The following VPS13A variants were observed in gnomAD, a reference collection of about 807,000 sequenced individuals.
VPS13A encodes intermembrane lipid transfer protein VPS13A.
A neutral mutation model predicts 390.9 loss-of-function variants in VPS13A; 264 were observed. The ratio of observed to expected loss-of-function variants is 0.68; its 90% confidence interval spans 0.61 to 0.75. The LOEUF (loss-of-function observed/expected upper bound fraction) is 0.75, where lower values mean the gene tolerates loss of function less well. Among genes scored for constraint, VPS13A ranks in the 30% least tolerant of loss-of-function variants. The pLI, the probability that VPS13A is intolerant of heterozygous loss-of-function variation, is 0.00. For missense variants in VPS13A, 3,409 were observed against 3,733.9 expected (o/e 0.91, Z 2.27); for synonymous variants, 1,231 against 1,227.1 (o/e 1.00, Z -0.07).
intron 29 of VPS13A, 52 bp downstream of exon 29, chr9:77,282,326 G>C: frequency 6.6e-7 from 1 of 1,516,286 alleles, no homozygotes; most frequent in Non-Finnish European, 9.0e-7. Context: ...AACCATGTAG[G>C]TCAATAAATC....
intron 19 of VPS13A, among the ~76,000 whole-genome samples, chr9:77,241,575 GTACT>G (rs1186035679): frequency 6.6e-6 from 1 of 151,124 alleles, no homozygotes; most frequent in African/African-American, 2.4e-5. Context: ...GTTTTTGTTG[GTACT>G]TACTTATGGT....
At chr9:77,404,586 A>G (rs1413462117) in intron 69 of VPS13A, among the ~76,000 whole-genome samples, 1 of 152,260 alleles carries the variant, frequency 6.6e-6, no homozygotes, top group Non-Finnish European at 1.5e-5. Context: ...AAGCAAAATC[A>G]GTTGCAAAGT....
At chr9:77,202,935 A>G (rs910890295) in intron 3 of VPS13A, among the ~76,000 whole-genome samples, 5 of 152,136 alleles carry the variant, frequency 3.3e-5, no homozygotes, top group Admixed American at 6.6e-5. Context: ...CTTGAGAAGA[A>G]GTGGGTTTAA....
intron 17 of VPS13A, among the ~76,000 whole-genome samples, chr9:77,229,564 CATG>C (rs1219068954): frequency 6.6e-6 from 1 of 152,140 alleles, no homozygotes; most frequent in African/African-American, 2.4e-5. Flanking sequence ...TTTCACTTAG[CATG>C]ATGTTTTCAA....
At position 77,381,985 on chromosome 9, in the gene VPS13A, G is replaced by A; in HGVS notation, c.9087G>A (p.Glu3029=). ...STFQGIKRAT[E]TSEVESLRPP... ...ATTTTTTTTCCTCTAGAGCTACAGA[G>A]ACTTCTGAAGTGGAGAGTCTGCGAC... is the stretch of plus-strand genomic sequence containing the variant. The change falls in exon 68 of 72, where the codon GAG becomes GAA. Residue 3029 remains glutamate (E), a synonymous_variant. Transcript: ENST00000360280. 6.2e-7 allele frequency: 1 copy of A among 1,602,916 alleles called. No homozygotes were observed. Among genetic ancestry groups the A allele is most frequent in the African/African-American group, 1.3e-5 (1 of 74,834 alleles).
At chr9:77,237,465 A>G (rs1824217516) in intron 17 of VPS13A, among the ~76,000 whole-genome samples, 1 of 151,408 alleles carries the variant, frequency 6.6e-6, no homozygotes, top group African/African-American at 2.4e-5. Flanking sequence ...CCCTGGTTCA[A>G]GCGATTTTCC....
Position 77,416,142 on chromosome 9 carries a change from A to G in VPS13A, c.*136A>G, listed in dbSNP as rs1249706185. On this transcript the variant is annotated 3_prime_UTR_variant, in exon 72 of 72. Transcript: ENST00000360280. ...TCTGGATGCTAAAAAACAAAAACAA[A>G]CAAAAAAACAAAAACAAAAAAACAA... 5.8e-6 allele frequency: 6 copies of G among 1,039,896 alleles called. No individual in the cohort carries two copies. The East Asian group carries it at 1.2e-4, about 21-fold the overall frequency. The allele number at this position is 1,039,896 out of a possible 1,614,324, so 64.4% of individuals were successfully genotyped here. A position where few individuals can be genotyped will look rare whatever the true frequency, so the allele number is the denominator to read the frequency against.
At position 77,382,539 on chromosome 9, in the gene VPS13A, C is replaced by A. The variant is rs1833499195; in HGVS notation, c.9189+452C>A. ...GTATCCTCGTCATTGGTGGTACTTACTTAACCAATTAAACCATTTCTGTTG... is the reference window on the plus strand; with the variant it reads ...GTATCCTCGTCATTGGTGGTACTTAATTAACCAATTAAACCATTTCTGTTG... On this transcript the variant is annotated intron_variant, in intron 68 of 71. Coordinates refer to ENST00000360280, the MANE Select transcript of VPS13A (RefSeq NM_033305.3). 2.5e-6 allele frequency: 3 copies of A among 1,201,950 alleles called. No individual in the cohort carries two copies. The South Asian group carries it at 1.0e-4, about 41-fold the overall frequency. 74.5% of individuals were successfully genotyped at this position (1,201,950 alleles called of 1,614,324 possible).
At chr9:77,407,992 T>C (rs568590757) in intron 71 of VPS13A, among the ~76,000 whole-genome samples, 2 of 152,310 alleles carry the variant, frequency 1.3e-5, no homozygotes, top group Admixed American at 6.5e-5. Context: ...TACCGTGATT[T>C]TTTAAAAAGT....
chr9:77,318,158 T>C, intron 40 of VPS13A, 77 bp from the exon 41 acceptor site: 1 of 763,142 alleles, frequency 1.3e-6, no homozygotes, highest in South Asian at 2.2e-5. Flanking sequence ...TAATTTCTCA[T>C]AATATATATT....
intron 56 of VPS13A, 48 bp from the exon 57 acceptor site, chr9:77,358,309 G>A: frequency 6.9e-7 from 1 of 1,442,132 alleles, no homozygotes; most frequent in Non-Finnish European, 9.8e-7. Flanking sequence ...TTCTGGTCAG[G>A]TTGTATAATT....
At chr9:77,399,181 T>TAATAA (rs1834254094) in intron 68 of VPS13A, among the ~76,000 whole-genome samples, 1 of 34,964 alleles carries the variant, frequency 2.9e-5, no homozygotes, top group Non-Finnish European at 6.1e-5. Flanking sequence ...AAAAAAAAAA[T>TAATAA]AAAAAAAAAA....
chr9:77,412,472 A>T (rs1013574440), intron 71 of VPS13A, among the ~76,000 whole-genome samples: 8 of 152,264 alleles, frequency 5.3e-5, no homozygotes, highest in African/African-American at 1.9e-4. Context: ...TCCAGCATAT[A>T]AACAGAACCA....
intron 17 of VPS13A, among the ~76,000 whole-genome samples, chr9:77,232,603 A>C (rs1488893189): frequency 1.3e-5 from 2 of 152,190 alleles, no homozygotes; most frequent in Non-Finnish European, 2.9e-5. Context: ...TAATTGACTC[A>C]TAGTTCGGTA....
chr9:77,386,754 C>G (rs1833703867), intron 68 of VPS13A, among the ~76,000 whole-genome samples: 3 of 148,694 alleles, frequency 2.0e-5, no homozygotes, highest in African/African-American at 7.5e-5. Context: ...GTCGCCCAGG[C>G]TGGAGTGCAG....
intron 1 of VPS13A, among the ~76,000 whole-genome samples, chr9:77,192,340 A>G (rs534530917): frequency 1.3e-5 from 2 of 152,322 alleles, no homozygotes; most frequent in Admixed American, 1.3e-4. Flanking sequence ...GCCTGTTTAC[A>G]TTCAAGATGA....
intron 34 of VPS13A, 126 bp downstream of exon 34, chr9:77,303,188 A>T (rs928149379): frequency 5.1e-6 from 5 of 972,742 alleles, no homozygotes; most frequent in Non-Finnish European, 7.9e-6. Context: ...TGAAATAGTG[A>T]TTATATTAAA....
intron 5 of VPS13A, among the ~76,000 whole-genome samples, chr9:77,207,110 T>C (rs10869908): frequency 0.19 from 27,426 of 144,952 alleles, 3,409 homozygotes; most frequent in East Asian, 0.38. Flanking sequence ...AGCAGTATTA[T>C]AGTGTCCGGA....
Position 77,360,631 on chromosome 9 carries a change from A to G in VPS13A, c.8201A>G (p.Glu2734Gly). The part of the protein sequence containing the change: ...TDLMTEAEVT[E>G]NTEVELFHKD... ...CTTATGACAGAAGCTGAGGTGACTG[A>G]AAATACAGAGGTAAGACTTAAAATA... Residue 2734 changes from glutamate to glycine, a missense_variant, in exon 59 of 72, where the codon GAA becomes GGA. Physicochemically the swap from Glu to Gly is moderately conservative, Grantham distance 98. Around this residue, in one of 5 missense-constraint regions of VPS13A, gnomAD observed 221 missense variants for 300.7 expected, o/e 0.73. Coordinates refer to ENST00000360280, the MANE Select transcript of VPS13A (RefSeq NM_033305.3). The G allele has an allele frequency of 1.2e-6, 2 of 1,609,186 alleles. No individual in the cohort carries two copies. The highest frequency in any genetic ancestry group is 1.7e-6 in the Non-Finnish European group (2 of 1,175,880).
Sources: gnomAD v4.1 joint callset for allele counts (sites outside exome capture counted in the v4.1 genomes callset) on GRCh38, gnomAD v4.1.1 for gene constraint, gnomAD v4.1.1 regional missense constraint, MANE v1.5 for transcripts, NCBI Gene and HGNC (gene_info 2026-07-23, HGNC 2026-07-21) for gene names.